The following DCBLD2 variants were observed in gnomAD, a reference collection of about 807,000 sequenced individuals.
DCBLD2 encodes discoidin, CUB and LCCL domain containing 2, also known as discoidin, CUB and LCCL domain-containing protein 2.
A neutral mutation model predicts 86.8 loss-of-function variants in DCBLD2; 54 were observed. The observed-to-expected ratio is 0.62, with a 90% CI of 0.50 to 0.78. The LOEUF (loss-of-function observed/expected upper bound fraction) is 0.78. Ranked by LOEUF, DCBLD2 falls within the 30% of genes least tolerant of loss-of-function variation. DCBLD2 has a pLI of 0.00. For missense variants in DCBLD2, 908 were observed against 954.2 expected (o/e 0.95, Z 0.64); for synonymous variants, 354 against 341.3 (o/e 1.04, Z -0.41).
In DCBLD2 at chr3:98,796,236, C is replaced by CCACACA. The variant is rs3836215; in HGVS notation, c.*3130_*3135dup. The CCACACA allele has an allele frequency of 2.6e-5, 4 of 151,002 alleles. No individual in the cohort carries two copies. The highest frequency in any genetic ancestry group is 2.1e-4 in the South Asian group (1 of 4,762). 9.4% of individuals were successfully genotyped at this position (151,002 alleles called of 1,614,324 possible). A position where few individuals can be genotyped will look rare whatever the true frequency, so the allele number is the denominator to read the frequency against. On this transcript the variant is annotated 3_prime_UTR_variant, in exon 16 of 16. Coordinates refer to ENST00000326840, the MANE Select transcript of DCBLD2 (RefSeq NM_080927.4). ...ATGTTTGTTTCCACTTTTCCCAGTG[C>CCACACA]CACACACACACACACAAAAACAAAA...
chr3:98,801,718 A>C, intron 13 of DCBLD2, 69 bp from the exon 14 acceptor site: 2 of 1,172,068 alleles, frequency 1.7e-6, no homozygotes, highest in Non-Finnish European at 2.4e-6. Flanking sequence ...CCCCTACCCC[A>C]TGACAGGCCT....
chr3:98,869,374 A>G (rs1477071009), intron 2 of DCBLD2, among the ~76,000 whole-genome samples: 1 of 152,120 alleles, frequency 6.6e-6, no homozygotes, highest in African/African-American at 2.4e-5. Context: ...GTTTACAAAT[A>G]TTTTCTCCCA....
At chr3:98,844,298 A>G (rs1027238808) in intron 3 of DCBLD2, among the ~76,000 whole-genome samples, 1 of 151,610 alleles carries the variant, frequency 6.6e-6, no homozygotes, top group Non-Finnish European at 1.5e-5. Flanking sequence ...TCCAATGACA[A>G]CCACTGTTTT....
At chr3:98,825,646 TA>T (rs1942204149) in intron 3 of DCBLD2, among the ~76,000 whole-genome samples, 14 of 15,236 alleles carry the variant, frequency 9.2e-4, no homozygotes, top group African/African-American at 5.1e-3. Context: ...TGTGTATTTA[TA>T]TATATATATA....
intron 9 of DCBLD2, chr3:98,814,768 T>C (rs988630329): frequency 2.0e-5 from 3 of 152,238 alleles, no homozygotes; most frequent in African/African-American, 7.2e-5. Flanking sequence ...GGGAAAAGAC[T>C]GTTAATTCAT....
chr3:98,819,142 A>T, intron 8 of DCBLD2, 60 bp downstream of exon 8: 1 of 1,431,314 alleles, frequency 7.0e-7, no homozygotes, highest in Non-Finnish European at 9.5e-7. Context: ...CTTAGATGTT[A>T]CTAGTTTTTC....
chr3:98,884,614 A>G (rs1215248268), intron 1 of DCBLD2, among the ~76,000 whole-genome samples: 1 of 152,142 alleles, frequency 6.6e-6, no homozygotes, highest in Non-Finnish European at 1.5e-5. Context: ...CTAACATTAT[A>G]AAACTAGTCT....
intron 3 of DCBLD2, among the ~76,000 whole-genome samples, chr3:98,825,884 C>T (rs931231925): frequency 3.3e-5 from 5 of 152,010 alleles, no homozygotes; most frequent in African/African-American, 9.6e-5. Flanking sequence ...GGTCCAGAGA[C>T]AGGACTGGTG....
In DCBLD2 at chr3:98,800,658, G is replaced by C; in HGVS notation, c.1779C>G (p.Thr593=). Residue 593 remains threonine (T), a synonymous_variant, in exon 15 of 16, where the codon ACC becomes ACG. Coordinates refer to ENST00000326840, the MANE Select transcript of DCBLD2 (RefSeq NM_080927.4). Reference sequence around the variant, plus strand: ...CTTCGCTGCTGCTATAGCGAACTGGGGTTTCCTCATGGTCCACTGCTTTTG... The same window carrying C: ...CTTCGCTGCTGCTATAGCGAACTGGCGTTTCCTCATGGTCCACTGCTTTTG... ...LPAKAVDHEE[T]PVRYSSSEVN... is the part of the protein sequence containing the mutation. The C allele has an allele frequency of 6.2e-7, 1 of 1,613,796 alleles. No homozygotes were observed. Among genetic ancestry groups the C allele is most frequent in the Non-Finnish European group, 8.5e-7 (1 of 1,179,858 alleles).
At chr3:98,894,596 T>C (rs1039125694) in intron 1 of DCBLD2, among the ~76,000 whole-genome samples, 1 of 152,072 alleles carries the variant, frequency 6.6e-6, no homozygotes, top group Non-Finnish European at 1.5e-5. Flanking sequence ...GGAGTCTTCC[T>C]CCTGGGAAGA....
At chr3:98,857,971 C>T (rs1051824292) in intron 2 of DCBLD2, among the ~76,000 whole-genome samples, 9 of 152,362 alleles carry the variant, frequency 5.9e-5, no homozygotes, top group Admixed American at 2.0e-4. Context: ...GCCGTGCGCC[C>T]GCACTCCTCA....
intron 2 of DCBLD2, among the ~76,000 whole-genome samples, chr3:98,864,804 G>A (rs1943113028): frequency 6.6e-6 from 1 of 151,188 alleles, no homozygotes; most frequent in East Asian, 1.9e-4. Flanking sequence ...GCATACATAT[G>A]TAAAAAACCT....
intron 3 of DCBLD2, among the ~76,000 whole-genome samples, chr3:98,834,981 T>TA (rs1942405017): frequency 9.4e-6 from 1 of 106,278 alleles, no homozygotes. Flanking sequence ...TTTTTTTTTT[T>TA]TATTTTTTTG....
At chr3:98,805,985 T>G (rs190160872) in intron 13 of DCBLD2, among the ~76,000 whole-genome samples, 1 of 152,352 alleles carries the variant, frequency 6.6e-6, no homozygotes, top group African/African-American at 2.4e-5. Context: ...AGGTTATTTA[T>G]GCCCATAAAC....
At chr3:98,878,123 G>A (rs1484438809) in intron 2 of DCBLD2, among the ~76,000 whole-genome samples, 3 of 152,154 alleles carry the variant, frequency 2.0e-5, no homozygotes, top group Non-Finnish European at 4.4e-5. Flanking sequence ...TAAGTTTGAT[G>A]AGTAACAGGA....
chr3:98,854,655 A>G (rs998981504), intron 2 of DCBLD2, among the ~76,000 whole-genome samples: 1 of 152,250 alleles, frequency 6.6e-6, no homozygotes, highest in Non-Finnish European at 1.5e-5. Flanking sequence ...GTGGTTTTAG[A>G]AAAGTATTTT....
rs1482949152 is a variant in DCBLD2, at chr3:98,901,346, C to A, written c.-20G>T. 2 of 1,378,602 alleles carry A rather than the reference C, an allele frequency of 1.5e-6. No homozygotes were observed. Among genetic ancestry groups the A allele is most frequent in the African/African-American group, 3.1e-5 (2 of 64,992 alleles). The allele number at this position is 1,378,602 out of a possible 1,614,324, so 85.4% of individuals were successfully genotyped here. A position where few individuals can be genotyped will look rare whatever the true frequency, so the allele number is the denominator to read the frequency against. On this transcript the variant is annotated 5_prime_UTR_variant, in exon 1 of 16. Transcript: ENST00000326840. Reference sequence around the variant, plus strand: ...CGCCATCGCGGCGGCCGGCAGTCTGCCTGCATAGTGCGGGTGCCTCGGCAG... The same window carrying A: ...CGCCATCGCGGCGGCCGGCAGTCTGACTGCATAGTGCGGGTGCCTCGGCAG...
At chr3:98,837,823 AC>A (rs1942501065) in intron 3 of DCBLD2, among the ~76,000 whole-genome samples, 1 of 124,172 alleles carries the variant, frequency 8.1e-6, no homozygotes, top group African/African-American at 3.2e-5. Flanking sequence ...CGGAGGGCTG[AC>A]CCCCCCACCT....
chr3:98,820,422 G>C (rs1942098148), intron 6 of DCBLD2, 134 bp from the exon 7 acceptor site: 16 of 545,264 alleles, frequency 2.9e-5, no homozygotes, highest in East Asian at 3.5e-5. Context: ...CTAAAAATTA[G>C]ACAACTAATA....
Sources: allele counts gnomAD v4.1 joint callset (sites outside exome capture counted in the v4.1 genomes callset), GRCh38; gene constraint gnomAD v4.1.1; transcripts MANE v1.5; gene names NCBI Gene and HGNC (gene_info 2026-07-23, HGNC 2026-07-21).